Variants in PCDHGA7 observed in about 807,000 individuals in gnomAD.
PCDHGA7 encodes protocadherin gamma-A7.
PCDHGA7 carries 44 observed loss-of-function variants against 58.3 expected under a neutral mutation model. That is an observed-to-expected ratio of 0.75 (90% CI 0.59 to 0.97). PCDHGA7 has a LOEUF of 0.97. Among genes scored for constraint, PCDHGA7 ranks in the 50% least tolerant of loss-of-function variants. The pLI, the probability that PCDHGA7 is intolerant of heterozygous loss-of-function variation, is 0.00. For missense variants in PCDHGA7, 1,266 were observed against 1,188.7 expected (o/e 1.06, Z -0.96); for synonymous variants, 516 against 504.2 (o/e 1.02, Z -0.31).
chr5:141,478,399 T>C, intron 1 of PCDHGA7: 1 of 1,613,514 alleles, frequency 6.2e-7, no homozygotes, highest in South Asian at 1.1e-5. Flanking sequence ...ATCAGGTGTA[T>C]CTCACCACGG....
intron 1 of PCDHGA7, among the ~76,000 whole-genome samples, chr5:141,446,719 G>C (rs899985752): frequency 2.6e-5 from 4 of 152,056 alleles, no homozygotes; most frequent in Admixed American, 1.3e-4. Flanking sequence ...TGCCCGCCTC[G>C]GCCTCCCAAA....
At chr5:141,415,397 G>T (rs1168654728) in intron 1 of PCDHGA7, 1 of 1,614,124 alleles carries the variant, frequency 6.2e-7, no homozygotes, top group African/African-American at 1.3e-5. Context: ...GGTGTGTCCG[G>T]CTCGCACTTT....
chr5:141,410,623 G>A (rs2154543147), intron 1 of PCDHGA7: 1 of 1,603,052 alleles, frequency 6.2e-7, no homozygotes, highest in Non-Finnish European at 8.5e-7. Flanking sequence ...TGACTTCGGT[G>A]AGTTTCTCTT....
rs376452870 is a variant in PCDHGA7 at position 141,423,273 on chromosome 5, G to A, written c.2424+37950G>A. 34 of 1,613,778 alleles carry A rather than the reference G, an allele frequency of 2.1e-5. No homozygotes were observed. In the African/African-American group the frequency reaches 4.4e-4, roughly 21 times the overall value. Reference sequence around the variant, plus strand: ...CGGACCTCGGCAGCCTCGAGTCTCTGGCTAACTCTGAAACCTCAGACCTCT... The same window carrying A: ...CGGACCTCGGCAGCCTCGAGTCTCTAGCTAACTCTGAAACCTCAGACCTCT... On this transcript the variant is annotated intron_variant, in intron 1 of 3. Coordinates refer to ENST00000518325, the MANE Select transcript of PCDHGA7 (RefSeq NM_018920.4).
At chr5:141,472,805 G>C (rs2099297767) in intron 1 of PCDHGA7, among the ~76,000 whole-genome samples, 1 of 151,688 alleles carries the variant, frequency 6.6e-6, no homozygotes, top group African/African-American at 2.4e-5. Context: ...GACCAACATG[G>C]AGAAACCCCC....
intron 1 of PCDHGA7, chr5:141,387,892 G>C (rs2091136247): frequency 6.5e-7 from 1 of 1,550,258 alleles, no homozygotes; most frequent in African/African-American, 1.4e-5. Context: ...GGGATGGGGA[G>C]CGGCGCCGGG....
At position 141,418,250 on chromosome 5, in the gene PCDHGA7, C is replaced by T. The variant is rs375149538; in HGVS notation, c.2424+32927C>T. ...GATTGAGGATGTTAATGACCACGCC[C>T]CTCAATTCCGGAAAGATGAAATAAA... On this transcript the variant is annotated intron_variant, in intron 1 of 3. Transcript: ENST00000518325. The T allele has an allele frequency of 2.5e-5, 40 of 1,613,876 alleles. No individual in the cohort carries two copies. The African/African-American group carries it at 3.6e-4, about 15-fold the overall frequency.
In PCDHGA7 at chr5:141,432,011, TACA is replaced by T. The variant is rs1296391274; in HGVS notation, c.2424+46692_2424+46694del. 2 of 1,614,202 alleles carry T rather than the reference TACA, an allele frequency of 1.2e-6. No homozygotes were observed. Among genetic ancestry groups the T allele is most frequent in the South Asian group, 2.2e-5 (2 of 91,084 alleles). On this transcript the variant is annotated intron_variant, in intron 1 of 3. Transcript: ENST00000518325. This position sits in a 1 kb window ranked among gnomAD's most constrained non-coding sequence, Gnocchi z 6.0. The stretch of plus-strand genomic sequence containing the variant: ...CTTGGATAGGGAACAGGTTCCTAGC[TACA>T]ACATCACAGTGACCGCCACTGACCG...
chr5:141,383,264 A>T lies in PCDHGA7; in HGVS notation c.365A>T (p.Glu122Val). ...DKMNLYPIDV[E>V]IIDINDNVPR... ...ATGAATCTTTACCCTATAGACGTGGAAATAATAGATATTAATGACAACGTT... is the reference window on the plus strand; with the variant it reads ...ATGAATCTTTACCCTATAGACGTGGTAATAATAGATATTAATGACAACGTT... The change falls in exon 1 of 4, where the codon GAA (glutamate) becomes GTA (valine). Residue 122 changes from glutamate (E) to valine (V), a missense_variant. Glu to Val is a moderately radical substitution (Grantham distance 121). Transcript: ENST00000518325. 6.2e-7 allele frequency: 1 copy of T among 1,613,962 alleles called. No individual in the cohort carries two copies. The highest frequency in any genetic ancestry group is 8.5e-7 in the Non-Finnish European group (1 of 1,179,884).
In PCDHGA7 at chr5:141,485,778, G is replaced by A. The variant is rs575586552; in HGVS notation, c.2425-9029G>A. On this transcript the variant is annotated intron_variant, in intron 1 of 3. Coordinates refer to ENST00000518325, the MANE Select transcript of PCDHGA7 (RefSeq NM_018920.4). The surrounding 1 kb of genome is among the most constrained non-coding windows in gnomAD (Gnocchi z 5.7). ...CTGCTCCTGGAGAAGCCTTTGGATC[G>A]AGAGAAGCAATCGGACTACCGCCTG... is the stretch of plus-strand genomic sequence containing the variant. The A allele has an allele frequency of 1.2e-6, 2 of 1,614,216 alleles. No individual in the cohort carries two copies. Among genetic ancestry groups the A allele is most frequent in the Admixed American group, 1.7e-5 (1 of 60,028 alleles).
Position 141,486,288 on chromosome 5 carries a change from T to C in PCDHGA7, c.2425-8519T>C. 5 of 1,613,996 alleles carry C rather than the reference T, an allele frequency of 3.1e-6. No individual in the cohort carries two copies. The highest frequency in any genetic ancestry group is 4.2e-6 in the Non-Finnish European group (5 of 1,179,986). ...GAACCTGGCACTGTGGTGGCACTTA[T>C]CAGTGTGCAGGATCCAGACTCAGGG... On this transcript the variant is annotated intron_variant, in intron 1 of 3. Coordinates refer to ENST00000518325, the MANE Select transcript of PCDHGA7 (RefSeq NM_018920.4). The surrounding 1 kb of genome is among the most constrained non-coding windows in gnomAD (Gnocchi z 5.0).
chr5:141,395,655 A>G (rs1302159911), intron 1 of PCDHGA7: 1 of 164,294 alleles, frequency 6.1e-6, no homozygotes, highest in East Asian at 1.8e-4. Context: ...GCTTAGCAAA[A>G]GTAAAATATA....
At chr5:141,447,284 C>A (rs979564320) in intron 1 of PCDHGA7, among the ~76,000 whole-genome samples, 1 of 152,124 alleles carries the variant, frequency 6.6e-6, no homozygotes, top group African/African-American at 2.4e-5. Context: ...GGACTACAGG[C>A]ACATGCCACC....
intron 1 of PCDHGA7, among the ~76,000 whole-genome samples, chr5:141,469,134 G>T (rs2099192163): frequency 6.6e-6 from 1 of 151,944 alleles, no homozygotes; most frequent in Non-Finnish European, 1.5e-5. Context: ...AAATTAGCCA[G>T]AAATGGTGGC....
At position 141,384,112 on chromosome 5, in the gene PCDHGA7, G is replaced by T. The variant is rs372458558; in HGVS notation, c.1213G>T (p.Val405Phe). Reference sequence around the variant, plus strand: ...ATCAATAGATAATTATTATAGATTGGTCACAACCAAAAACTTGGACCGGGA... The same window carrying T: ...ATCAATAGATAATTATTATAGATTGTTCACAACCAAAAACTTGGACCGGGA... ...EKSIDNYYRLVTTKNLDRETL... is the reference protein window; with the variant it reads ...EKSIDNYYRLFTTKNLDRETL... The change falls in exon 1 of 4, where the codon GTC (valine) becomes TTC (phenylalanine). Residue 405 changes from valine (V) to phenylalanine (F), a missense_variant. By Grantham distance (50) the Val-to-Phe change is conservative. Coordinates refer to ENST00000518325, the MANE Select transcript of PCDHGA7 (RefSeq NM_018920.4). 2 of 1,605,392 alleles carry T rather than the reference G, an allele frequency of 1.2e-6. No individual in the cohort carries two copies. The highest frequency in any genetic ancestry group is 1.7e-6 in the Non-Finnish European group (2 of 1,175,606).
chr5:141,393,473 G>A (rs1190605709), intron 1 of PCDHGA7: 1 of 1,614,044 alleles, frequency 6.2e-7, no homozygotes, highest in East Asian at 2.2e-5. Flanking sequence ...GCGGCAAGCC[G>A]CCTCGCTCTA....
intron 1 of PCDHGA7, chr5:141,419,577 C>T: frequency 3.7e-6 from 6 of 1,611,732 alleles, no homozygotes; most frequent in Non-Finnish European, 5.1e-6. Flanking sequence ...GACGGCTCCG[C>T]GCTCTTCGAC....
chr5:141,486,561 T>C lies in PCDHGA7; in HGVS notation c.2425-8246T>C. ...TTCTTTCAGAGGTCACATGAGGTGT[T>C]TGTTCCTGAGAACAATCGCCCAGGG... On this transcript the variant is annotated intron_variant, in intron 1 of 3. Transcript: ENST00000518325. This position sits in a 1 kb window ranked among gnomAD's most constrained non-coding sequence, Gnocchi z 5.0. 6.2e-7 allele frequency: 1 copy of C among 1,614,076 alleles called. No individual in the cohort carries two copies. Among genetic ancestry groups the C allele is most frequent in the Non-Finnish European group, 8.5e-7 (1 of 1,180,030 alleles).
At chr5:141,428,188 G>C (rs1023078587) in intron 1 of PCDHGA7, 1 of 1,433,232 alleles carries the variant, frequency 7.0e-7, no homozygotes, top group African/African-American at 1.4e-5. Flanking sequence ...GACAGCCGCC[G>C]CTCTCTGCGC....
Sources: gnomAD v4.1 joint callset for allele counts (sites outside exome capture counted in the v4.1 genomes callset) on GRCh38, gnomAD v4.1.1 for gene constraint, Gnocchi (gnomAD v3.1) non-coding constraint, MANE v1.5 for transcripts, NCBI Gene and HGNC (gene_info 2026-07-23, HGNC 2026-07-21) for gene names.